The following ZNF648 variants were observed in gnomAD, a reference collection of about 807,000 sequenced individuals.
The protein encoded by ZNF648 is zinc finger protein 648.
ZNF648 carries 1 observed loss-of-function variant against 0.3 expected under a neutral mutation model. The ratio of observed to expected loss-of-function variants is 3.90; its 90% confidence interval spans 1.39 to 18.51. The LOEUF is 18.51. ZNF648 is among the 30% of genes most tolerant of loss of function. The probability of loss-of-function intolerance (pLI) is 0.11; values close to 1 mark genes in which losing one functional copy is unlikely to be tolerated. For missense variants in ZNF648, 874 were observed against 769.7 expected, an observed-to-expected ratio of 1.14 and a Z score of -1.60; for synonymous variants, 376 against 326.8, an observed-to-expected ratio of 1.15 and a Z score of -1.62.
chr1:182,069,227 C>T, the ZNF648 span: 6 of 152,148 alleles, frequency 3.9e-5, no homozygotes, highest in Middle Eastern at 3.1e-3. Context: ...GTCACACCAC[C>T]TACATGCGCT....
chr1:182,065,260 A>C (rs775532064), upstream of ZNF648, among the ~76,000 whole-genome samples: 7 of 150,996 alleles, frequency 4.6e-5, no homozygotes, highest in Non-Finnish European at 7.4e-5. Context: ...CCTTTGCTTG[A>C]CTCTACCCTT....
upstream of ZNF648, among the ~76,000 whole-genome samples, chr1:182,065,241 C>T (rs1454100725): frequency 2.6e-5 from 4 of 152,168 alleles, no homozygotes; most frequent in Non-Finnish European, 5.9e-5. Flanking sequence ...TCAGAGCCTG[C>T]ATGCTTGGCC....
chr1:182,057,385 G>C lies in ZNF648; in HGVS notation c.626C>G (p.Pro209Arg). The C allele has an allele frequency of 6.2e-7, 1 of 1,613,422 alleles. No individual in the cohort carries two copies. The highest frequency in any genetic ancestry group is 1.3e-5 in the African/African-American group (1 of 75,066). Residue 209 changes from proline to arginine, a missense_variant, in exon 2 of 2, where the codon CCA (proline) becomes CGA (arginine). Physicochemically the swap from Pro to Arg is moderately radical, Grantham distance 103. Transcript: ENST00000339948. ...GGCTGGGGTGGCCGACGCCTGGGCT[G>C]GTGTATGTGTCTCTTGCGTGGGAAG... ...WDLPTQETHT[P>R]AQASATPASL... is the part of the protein sequence containing the mutation.
Position 182,056,429 on chromosome 1 carries a change from C to T in ZNF648, c.1582G>A (p.Gly528Arg), listed in dbSNP as rs1395161414. Reference sequence around the variant, plus strand: ...TCCTCACACTGGTAGGGCCTCTCTCCGTTGTGCATTCGTATGTGCTGGGCC... The same window carrying T: ...TCCTCACACTGGTAGGGCCTCTCTCTGTTGTGCATTCGTATGTGCTGGGCC... ...ELAQHIRMHN[G>R]ERPYQCEDCG... is the part of the protein sequence containing the mutation. The change falls in exon 2 of 2, where the codon GGA becomes AGA. Residue 528 changes from glycine to arginine, a missense_variant. Gly to Arg is a moderately radical substitution (Grantham distance 125, BLOSUM62 -2). Coordinates refer to ENST00000339948, the MANE Select transcript of ZNF648 (RefSeq NM_001009992.1). 2 of 1,614,084 alleles carry T rather than the reference C, an allele frequency of 1.2e-6. No individual in the cohort carries two copies. Among genetic ancestry groups the T allele is most frequent in the African/African-American group, 1.3e-5 (1 of 75,048 alleles).
In ZNF648 at chr1:182,056,088, T is replaced by A. The variant is rs567646155; in HGVS notation, c.*216A>T. ...CTTTGTCTTTCCCTTTTCCAATTGC[T>A]TATGACCTCGGACACTCAGAACCAC... On this transcript the variant is annotated 3_prime_UTR_variant, in exon 2 of 2. Coordinates refer to ENST00000339948, the MANE Select transcript of ZNF648 (RefSeq NM_001009992.1). The A allele has an allele frequency of 1.7e-6, 1 of 605,976 alleles. No homozygotes were observed. The highest frequency in any genetic ancestry group is 1.9e-5 in the African/African-American group (1 of 54,004). The allele number at this position is 605,976 out of a possible 1,614,324, so 37.5% of individuals were successfully genotyped here.
intron 1 of ZNF648, among the ~76,000 whole-genome samples, chr1:182,058,847 C>T (rs566493582): frequency 3.3e-5 from 5 of 152,180 alleles, no homozygotes; most frequent in African/African-American, 9.6e-5. Flanking sequence ...TTAATTGAGT[C>T]GGAGTCTCGC....
At chr1:182,069,587 A>G in the ZNF648 span, among the ~76,000 whole-genome samples, 1 of 152,170 alleles carries the variant, frequency 6.6e-6, no homozygotes, top group Non-Finnish European at 1.5e-5. Flanking sequence ...AAGCATGTCT[A>G]TTCTTTGAAA....
In ZNF648 at chr1:182,055,483, A is replaced by C. The variant is rs942189773; in HGVS notation, c.*821T>G. ...TATCACATATGACTTAAGCCCTCAGAGTGCAAACAGGAAAAGAGGCAGCCA... is the reference window on the plus strand; with the variant it reads ...TATCACATATGACTTAAGCCCTCAGCGTGCAAACAGGAAAAGAGGCAGCCA... On this transcript the variant is annotated 3_prime_UTR_variant, in exon 2 of 2. Coordinates refer to ENST00000339948, the MANE Select transcript of ZNF648 (RefSeq NM_001009992.1). The surrounding 1 kb of genome is among the most constrained non-coding windows in gnomAD (Gnocchi z 4.1). The C allele has an allele frequency of 6.6e-6, 1 of 152,220 alleles. No individual in the cohort carries two copies. Among genetic ancestry groups the C allele is most frequent in the African/African-American group, 2.4e-5 (1 of 41,454 alleles). The allele number at this position is 152,220 out of a possible 1,614,324, so 9.4% of individuals were successfully genotyped here.
the ZNF648 span, chr1:182,068,442 G>C: frequency 2.0e-5 from 3 of 152,208 alleles, no homozygotes; most frequent in Non-Finnish European, 4.4e-5. Flanking sequence ...ACAGAAGACA[G>C]TAGAATATAT....
upstream of ZNF648, among the ~76,000 whole-genome samples, chr1:182,062,324 A>G (rs112134625): frequency 0.012 from 1,810 of 152,308 alleles, 31 homozygotes; most frequent in African/African-American, 0.04. Context: ...CCAAGGTAGA[A>G]GACTCAGTAC....
At position 182,056,665 on chromosome 1, in the gene ZNF648, T is replaced by C. The variant is rs1437633093; in HGVS notation, c.1346A>G (p.Lys449Arg). The change falls in exon 2 of 2, where the codon AAG becomes AGG. Residue 449 changes from lysine to arginine, a missense_variant. Transcript: ENST00000339948. ...GAAGGCCACGCCGCAGTCAGCGCACTTGAAAGGCCTCTGGCCGGTGTGCAG... is the reference window on the plus strand; with the variant it reads ...GAAGGCCACGCCGCAGTCAGCGCACCTGAAAGGCCTCTGGCCGGTGTGCAG... ...QTLHTGQRPFKCADCGVAFAQ... is the reference protein window; with the variant it reads ...QTLHTGQRPFRCADCGVAFAQ... 1.9e-6 allele frequency: 3 copies of C among 1,606,666 alleles called. No homozygotes were observed. The highest frequency in any genetic ancestry group is 1.7e-6 in the Non-Finnish European group (2 of 1,176,470).
Position 182,057,119 on chromosome 1 carries a change from T to C in ZNF648, c.892A>G (p.Arg298Gly). The change falls in exon 2 of 2, where the codon AGG becomes GGG. Residue 298 changes from arginine to glycine, a missense_variant. Arg to Gly is a moderately radical substitution (Grantham distance 125). Transcript: ENST00000339948. Reference sequence around the variant, plus strand: ...GGCCGCTCGCCCGTGTGCAGGCGCCTGTGCTGCTGGAGTGTGCCGCGGTGG... The same window carrying C: ...GGCCGCTCGCCCGTGTGCAGGCGCCCGTGCTGCTGGAGTGTGCCGCGGTGG... ...YSHRGTLQQH[R>G]RLHTGERPYQ... is the part of the protein sequence containing the mutation. The C allele has an allele frequency of 2.5e-6, 4 of 1,608,032 alleles. No homozygotes were observed. The highest frequency in any genetic ancestry group is 3.4e-6 in the Non-Finnish European group (4 of 1,179,782).
At position 182,057,323 on chromosome 1, in the gene ZNF648, T is replaced by C. The variant is rs746142219; in HGVS notation, c.688A>G (p.Ser230Gly). The change falls in exon 2 of 2, where the codon AGC becomes GGC. Residue 230 changes from serine to glycine, a missense_variant. Coordinates refer to ENST00000339948, the MANE Select transcript of ZNF648 (RefSeq NM_001009992.1). ...AAAVLAKARN[S>G]RKVQNQAGRR... is the part of the protein sequence containing the mutation. ...CCCGCCTGGTTCTGTACTTTCCTGC[T>C]GTTCCGCGCTTTTGCCAGGACCGCG... 27 of 1,607,586 alleles carry C rather than the reference T, an allele frequency of 1.7e-5. No homozygotes were observed. The highest frequency in any genetic ancestry group is 2.3e-5 in the Non-Finnish European group (27 of 1,179,538).
chr1:182,068,407 A>G, the ZNF648 span: 2 of 152,268 alleles, frequency 1.3e-5, no homozygotes, highest in African/African-American at 4.8e-5. Flanking sequence ...AGTGAGCCAC[A>G]ACCAACATTC....
Position 182,057,392 on chromosome 1 carries a change from G to T in ZNF648, c.619C>A (p.His207Asn). Residue 207 changes from histidine (H) to asparagine (N), a missense_variant, in exon 2 of 2, where the codon CAT becomes AAT. Coordinates refer to ENST00000339948, the MANE Select transcript of ZNF648 (RefSeq NM_001009992.1). ...GTGGCCGACGCCTGGGCTGGTGTAT[G>T]TGTCTCTTGCGTGGGAAGGTCCCAG... ...SNWDLPTQET[H>N]TPAQASATPA... 9 of 1,613,682 alleles carry T rather than the reference G, an allele frequency of 5.6e-6. No homozygotes were observed. The highest frequency in any genetic ancestry group is 7.6e-6 in the Non-Finnish European group (9 of 1,180,010).
Position 182,057,462 on chromosome 1 carries a change from G to A in ZNF648, c.549C>T (p.Ser183=), listed in dbSNP as rs1665950952. 1.9e-6 allele frequency: 3 copies of A among 1,614,198 alleles called. No individual in the cohort carries two copies. The highest frequency in any genetic ancestry group is 2.2e-5 in the South Asian group (2 of 91,086). ...AACACAACAGAGAAGAGTTCCCTGC[G>A]GACGTGTCTACACTTTTGTGCGCAC... The part of the protein sequence containing the change: ...YLCAHKSVDT[S]AGNSSLLCFP... Residue 183 remains serine, a synonymous_variant, in exon 2 of 2, where the codon TCC becomes TCT. Transcript: ENST00000339948.
chr1:182,060,685 G>GTGAA (rs1666018389), intron 1 of ZNF648, among the ~76,000 whole-genome samples: 1 of 152,194 alleles, frequency 6.6e-6, no homozygotes, highest in South Asian at 2.1e-4. Flanking sequence ...ATCTTAGGGA[G>GTGAA]TGAATGTGTA....
At chr1:182,066,650 T>C (rs968967367), upstream of ZNF648, among the ~76,000 whole-genome samples, 5 of 152,226 alleles carry the variant, frequency 3.3e-5, no homozygotes, top group African/African-American at 4.8e-5. Flanking sequence ...TTTCTGTTTG[T>C]TTGATGATCT....
chr1:182,057,073 T>A lies in ZNF648; in HGVS notation c.938A>T (p.Asp313Val), dbSNP rs760766893. 1.2e-6 allele frequency: 2 copies of A among 1,604,950 alleles called. No homozygotes were observed. Among genetic ancestry groups the A allele is most frequent in the Non-Finnish European group, 1.7e-6 (2 of 1,177,342 alleles). The change falls in exon 2 of 2, where the codon GAC becomes GTC. Residue 313 changes from aspartate (D) to valine (V), a missense_variant. Coordinates refer to ENST00000339948, the MANE Select transcript of ZNF648 (RefSeq NM_001009992.1). ...GTCGGAGGACCAGGTGTAGGCCTTG[T>A]CGCAGAAGGAGCACTGGTAGGGCCG... is the stretch of plus-strand genomic sequence containing the variant. ...GERPYQCSFC[D>V]KAYTWSSDHR...
Sources: allele counts gnomAD v4.1 joint callset (sites outside exome capture counted in the v4.1 genomes callset), GRCh38; gene constraint gnomAD v4.1.1; non-coding constraint Gnocchi (gnomAD v3.1); transcripts MANE v1.5; gene names NCBI Gene and HGNC (gene_info 2026-07-23, HGNC 2026-07-21).